The following RS1 variants were observed in gnomAD, a reference collection of about 807,000 sequenced individuals.
The protein encoded by RS1 is retinoschisin.
RS1 carries 2 observed loss-of-function variants against 20.8 expected under a neutral mutation model. The observed-to-expected ratio is 0.10, with a 90% CI of 0.04 to 0.30. RS1 has a LOEUF of 0.30. Among genes scored for constraint, RS1 ranks in the 10% least tolerant of loss-of-function variants. The probability of loss-of-function intolerance (pLI) is 1.00; values close to 1 mark genes in which losing one functional copy is unlikely to be tolerated. For synonymous variants in RS1, 70 were observed against 75.8 expected (o/e 0.92, Z 0.40); for missense variants, 151 against 189.8 (o/e 0.80, Z 1.20).
At chrX:18,653,594 G>A (rs764866730) in intron 3 of RS1, 6 of 1,172,607 alleles carry the variant, frequency 5.1e-6, no homozygotes, top group Non-Finnish European at 1.2e-6. Flanking sequence ...CCTCTCTCAT[G>A]GAAGAACCAA....
Position 18,647,259 on chromosome X carries a change from C to T in RS1, c.258G>A (p.Pro86=), listed in dbSNP as rs147290350. ...VTPDQITCSN[P]EQYVGWYSSW... is the part of the protein sequence containing the mutation. ...AAGAATACCAGCCCACATACTGCTC[C>T]GGGTTAGAGCAGGTGATCTGGTCCG... Residue 86 remains proline (P), a synonymous_variant, in exon 4 of 6, where the codon CCG becomes CCA. Coordinates refer to ENST00000379984, the MANE Select transcript of RS1 (RefSeq NM_000330.4). 9.4e-4 allele frequency: 1,137 copies of T among 1,207,703 alleles called. 7 individuals carry two copies. In the African/African-American group the frequency reaches 0.015, roughly 16 times the overall value.
chrX:18,669,347 C>T lies in RS1; in HGVS notation c.52+2670G>A, dbSNP rs747638007. On this transcript the variant is annotated intron_variant, in intron 1 of 5. Transcript: ENST00000379984. ...CTCTACTAAAATTACAAAAATGATC[C>T]GGGCGTGGTGGCACACGTCTGTAAT... 7.4e-5 allele frequency among the ~76,000 whole-genome samples: 8 copies of T among 108,607 alleles called. No individual in the cohort carries two copies. In the East Asian group the frequency reaches 1.8e-3, roughly 24 times the overall value. The allele number at this position is 108,607 out of a possible 115,157, so 94.3% of individuals were successfully genotyped here.
At chrX:18,654,151 T>C (rs76515813) in intron 3 of RS1, among the ~76,000 whole-genome samples, 94 of 100,407 alleles carry the variant, frequency 9.4e-4, no homozygotes, top group African/African-American at 2.7e-3. Context: ...CTCTCTCTCT[T>C]TTTTTTTTTT....
intron 3 of RS1, among the ~76,000 whole-genome samples, chrX:18,648,595 C>A (rs921929485): frequency 4.5e-5 from 5 of 111,598 alleles, no homozygotes; most frequent in African/African-American, 1.6e-4. Context: ...AGCAATGTAG[C>A]CAGCTGAATA....
At chrX:18,670,566 T>C (rs1314965529) in intron 1 of RS1, among the ~76,000 whole-genome samples, 1 of 110,889 alleles carries the variant, frequency 9.0e-6, no homozygotes, top group African/African-American at 3.3e-5. Flanking sequence ...TAGTCAGGGA[T>C]GAGCTCTTAA....
At chrX:18,663,336 C>CTTTT (rs56314934) in intron 1 of RS1, among the ~76,000 whole-genome samples, 1 of 28,293 alleles carries the variant, frequency 3.5e-5, no homozygotes, top group Admixed American at 5.9e-4. Flanking sequence ...CTGTGCCTGG[C>CTTTT]TTTTTTTTTT....
chrX:18,669,164 C>T (rs771473163), intron 1 of RS1, among the ~76,000 whole-genome samples: 14 of 110,463 alleles, frequency 1.3e-4, no homozygotes, highest in Admixed American at 3.9e-4. Flanking sequence ...CCAATATGTG[C>T]GGTGTAAGAG....
chrX:18,648,646 G>C (rs12012448), intron 3 of RS1, among the ~76,000 whole-genome samples: 9,400 of 111,782 alleles, frequency 0.084, 824 homozygotes, highest in African/African-American at 0.27. Flanking sequence ...GAAGTGCCCA[G>C]GTGACATAAC....
intron 1 of RS1, among the ~76,000 whole-genome samples, chrX:18,658,959 A>G (rs758220301): frequency 8.9e-6 from 1 of 111,929 alleles, no homozygotes; most frequent in East Asian, 2.8e-4. Context: ...ATCAAACCAC[A>G]ATCAAAGTAT....
At chrX:18,657,799 G>T in intron 1 of RS1, 134 bp from the exon 2 acceptor site, 4 of 540,462 alleles carry the variant, frequency 7.4e-6, no homozygotes, top group Admixed American at 5.1e-5. Flanking sequence ...AGAAGTCATG[G>T]TGAGTAAATA....
At chrX:18,645,862 C>T in intron 4 of RS1, 2 of 853,109 alleles carry the variant, frequency 2.3e-6, no homozygotes, top group Non-Finnish European at 3.3e-6. Flanking sequence ...ATGGCATTTC[C>T]TAGTCTCCCT....
At position 18,642,060 on chromosome X, in the gene RS1, G is replaced by T; in HGVS notation, c.619C>A (p.His207Asn). 8.3e-7 allele frequency: 1 copy of T among 1,211,631 alleles called. No individual in the cohort carries two copies. The highest frequency in any genetic ancestry group is 1.8e-5 in the South Asian group (1 of 56,982). Residue 207 changes from histidine to asparagine, a missense_variant, in exon 6 of 6, where the codon CAC (histidine) becomes AAC (asparagine). Transcript: ENST00000379984. ...RFIRLIPLGW[H>N]VRIAIRMELL... ...TCCATCCGGATGGCAATGCGGACGTGCCAGCCCAGCGGGATGAGGCGGATG... is the reference window on the plus strand; with the variant it reads ...TCCATCCGGATGGCAATGCGGACGTTCCAGCCCAGCGGGATGAGGCGGATG...
At chrX:18,646,255 G>A (rs1444465681) in intron 4 of RS1, among the ~76,000 whole-genome samples, 1 of 111,730 alleles carries the variant, frequency 9.0e-6, no homozygotes, top group Non-Finnish European at 1.9e-5. Context: ...CCAGGTTCAA[G>A]TGATTCTCCT....
rs570887192 is a variant in RS1, at chrX:18,650,521, G to A, written c.185-3189C>T. ...GCTCCCTATCCAGTACTCCAGGTCCGAGGCACTTCCATGTGCCCGACACTC... is the reference window on the plus strand; with the variant it reads ...GCTCCCTATCCAGTACTCCAGGTCCAAGGCACTTCCATGTGCCCGACACTC... On this transcript the variant is annotated intron_variant, in intron 3 of 5. Transcript: ENST00000379984. 46 of 1,210,480 alleles carry A rather than the reference G, an allele frequency of 3.8e-5. No individual in the cohort carries two copies. The highest frequency in any genetic ancestry group is 2.4e-4 in the African/African-American group (14 of 57,391).
intron 5 of RS1, 103 bp from the exon 6 acceptor site, chrX:18,642,259 A>C: frequency 3.2e-6 from 3 of 936,062 alleles, no homozygotes; most frequent in Non-Finnish European, 4.6e-6. Flanking sequence ...AGAAATGATT[A>C]GGAAGTAGTT....
In RS1 at chrX:18,644,577, T is replaced by C; in HGVS notation, c.375A>G (p.Ile125Met). ...KFQDSSQWLQ[I>M]DLKEIKVISG... Reference sequence around the variant, plus strand: ...AAATCACTTTGATCTCCTTCAGATCTATCTGTAACCACTGGCTACTGTCCT... The same window carrying C: ...AAATCACTTTGATCTCCTTCAGATCCATCTGTAACCACTGGCTACTGTCCT... Residue 125 changes from isoleucine to methionine, a missense_variant, in exon 5 of 6, where the codon ATA becomes ATG. Physicochemically the swap from Ile to Met is conservative, Grantham distance 10. Transcript: ENST00000379984. 1 of 1,211,627 alleles carries C rather than the reference T, an allele frequency of 8.3e-7. No homozygotes were observed.
At chrX:18,667,273 C>T (rs1928419992) in intron 1 of RS1, among the ~76,000 whole-genome samples, 2 of 111,317 alleles carry the variant, frequency 1.8e-5, no homozygotes, top group African/African-American at 6.5e-5. Context: ...GTGCCAGGCC[C>T]GTGGCTCACG....
intron 1 of RS1, among the ~76,000 whole-genome samples, chrX:18,661,265 C>T (rs1263692844): frequency 9.0e-6 from 1 of 111,351 alleles, no homozygotes; most frequent in East Asian, 2.8e-4. Context: ...GGAAAGGTCC[C>T]CTTGTCCCCA....
intron 3 of RS1, 106 bp from the exon 4 acceptor site, chrX:18,647,438 GAGA>G: frequency 2.3e-6 from 2 of 874,229 alleles, no homozygotes; most frequent in Non-Finnish European, 3.3e-6. Flanking sequence ...TTCGGAGACG[GAGA>G]AGGCTTTACC....
Sources: gnomAD v4.1 joint callset for allele counts (sites outside exome capture counted in the v4.1 genomes callset) on GRCh38, gnomAD v4.1.1 for gene constraint, MANE v1.5 for transcripts, NCBI Gene and HGNC (gene_info 2026-07-23, HGNC 2026-07-21) for gene names.